The following EHHADH variants were observed in gnomAD, a reference collection of about 807,000 sequenced individuals.
EHHADH encodes the protein peroxisomal bifunctional enzyme.
In EHHADH, 48 loss-of-function variants were observed where a neutral mutation model predicts 64.4. The ratio of observed to expected loss-of-function variants is 0.75; its 90% CI spans 0.59 to 0.95. EHHADH has a LOEUF of 0.95. Ranked by LOEUF, EHHADH falls within the 40% of genes least tolerant of loss-of-function variation. The pLI is 0.00. For missense variants in EHHADH, 854 were observed against 876.6 expected (o/e 0.97, Z 0.33); for synonymous variants, 308 against 326.7 (o/e 0.94, Z 0.62).
At chr3:185,217,272 C>A (rs1718705458) in intron 5 of EHHADH, among the ~76,000 whole-genome samples, 2 of 151,924 alleles carry the variant, frequency 1.3e-5, no homozygotes, top group Admixed American at 6.6e-5. Context: ...TGGGGCCAGG[C>A]GCGGTGGCTC....
intron 2 of EHHADH, among the ~76,000 whole-genome samples, chr3:185,235,687 T>G (rs531340875): frequency 6.6e-6 from 1 of 152,228 alleles, no homozygotes; most frequent in South Asian, 2.1e-4. Context: ...TGAGAGAAAA[T>G]CCTTGAATCT....
Position 185,235,372 on chromosome 3 carries a change from A to G in EHHADH, c.269T>C (p.Val90Ala), listed in dbSNP as rs750992394. Reference sequence around the variant, plus strand: ...AGCCATGCCTTGGATTGCTGCCACCACGGGCTTCTCATTTCTCTGTATTTC... The same window carrying G: ...AGCCATGCCTTGGATTGCTGCCACCGCGGGCTTCTCATTTCTCTGTATTTC... Reference protein sequence around the residue: ...VDEIQRNEKPVVAAIQGMAFG... With the variant: ...VDEIQRNEKPAVAAIQGMAFG... Residue 90 changes from valine (V) to alanine (A), a missense_variant, in exon 3 of 7, where the codon GTG becomes GCG. Val to Ala is a moderately conservative substitution (Grantham distance 64, BLOSUM62 0). Coordinates refer to ENST00000231887, the MANE Select transcript of EHHADH (RefSeq NM_001966.4). The G allele has an allele frequency of 6.2e-7, 1 of 1,613,938 alleles. No individual in the cohort carries two copies. The highest frequency in any genetic ancestry group is 8.5e-7 in the Non-Finnish European group (1 of 1,179,924).
In EHHADH at chr3:185,191,962, C is replaced by A; in HGVS notation, c.*264G>T. 2.3e-6 allele frequency: 1 copy of A among 438,038 alleles called. No individual in the cohort carries two copies. Among genetic ancestry groups the A allele is most frequent in the Non-Finnish European group, 4.0e-6 (1 of 248,596 alleles). 27.1% of individuals were successfully genotyped at this position (438,038 alleles called of 1,614,324 possible). Reference sequence around the variant, plus strand: ...AAGCATTTGAGAATCTCAACTTATGCCTGAGCCTCTTTCATTAGCTATTAT... The same window carrying A: ...AAGCATTTGAGAATCTCAACTTATGACTGAGCCTCTTTCATTAGCTATTAT... On this transcript the variant is annotated 3_prime_UTR_variant, in exon 7 of 7. Transcript: ENST00000231887.
In EHHADH at chr3:185,207,147, G is replaced by A. The variant is rs571867028; in HGVS notation, c.569-2390C>T. ...CTACCAAAAATACAAAAAATTAGCCGGGCATGGTGGCGCACCCCTGTGGTC... is the reference window on the plus strand; with the variant it reads ...CTACCAAAAATACAAAAAATTAGCCAGGCATGGTGGCGCACCCCTGTGGTC... On this transcript the variant is annotated intron_variant, in intron 5 of 6. Transcript: ENST00000231887. 1.6e-4 allele frequency among the ~76,000 whole-genome samples: 25 copies of A among 152,108 alleles called. No individual in the cohort carries two copies. In the South Asian group the frequency reaches 3.7e-3, roughly 23 times the overall value.
chr3:185,250,217 T>A (rs1719708966), intron 1 of EHHADH, among the ~76,000 whole-genome samples: 1 of 152,132 alleles, frequency 6.6e-6, no homozygotes, highest in Non-Finnish European at 1.5e-5. Context: ...AGTGGAAAGA[T>A]AGGGCATGTA....
At chr3:185,242,193 C>G (rs568990469) in intron 2 of EHHADH, among the ~76,000 whole-genome samples, 1 of 152,266 alleles carries the variant, frequency 6.6e-6, no homozygotes, top group South Asian at 2.1e-4. Flanking sequence ...GAAACACATC[C>G]CATGCTCATG....
rs763360960 is a variant in EHHADH, at chr3:185,204,403, C to T, written c.910+13G>A. The T allele has an allele frequency of 4.4e-6, 7 of 1,585,918 alleles. No individual in the cohort carries two copies. In the African/African-American group the frequency reaches 9.4e-5, roughly 21 times the overall value. On this transcript the variant is annotated intron_variant, in intron 6 of 6. Transcript: ENST00000231887. The stretch of plus-strand genomic sequence containing the variant: ...AGATTTGGAGGATTCCATTCATTAC[C>T]CCATGGTCTTACCAACAACACCAAC...
At chr3:185,218,849 C>G (rs1176105805) in intron 4 of EHHADH, among the ~76,000 whole-genome samples, 2 of 152,050 alleles carry the variant, frequency 1.3e-5, no homozygotes, top group African/African-American at 4.8e-5. Context: ...ATGGTGAAAC[C>G]CTGTCTCTAC....
Position 185,192,106 on chromosome 3 carries a change from G to T in EHHADH, c.*120C>A, listed in dbSNP as rs576834037. The T allele has an allele frequency of 8.5e-6, 10 of 1,176,930 alleles. No homozygotes were observed. The South Asian group carries it at 1.1e-4, about 13-fold the overall frequency. The allele number at this position is 1,176,930 out of a possible 1,614,324, so 72.9% of individuals were successfully genotyped here. The stretch of plus-strand genomic sequence containing the variant: ...GAGTCGTTACACAGAAGATTCTAAT[G>T]ATTATTTATTTTGCTTTGTATTTCA... On this transcript the variant is annotated 3_prime_UTR_variant, in exon 7 of 7. Transcript: ENST00000231887.
intron 1 of EHHADH, among the ~76,000 whole-genome samples, chr3:185,251,298 A>T (rs1719739587): frequency 6.6e-6 from 1 of 152,176 alleles, no homozygotes; most frequent in South Asian, 2.1e-4. Flanking sequence ...AAAGAAAAAG[A>T]AGAGATGAGA....
At chr3:185,246,349 G>A in intron 2 of EHHADH, 1 of 706,634 alleles carries the variant, frequency 1.4e-6, no homozygotes, top group Non-Finnish European at 2.3e-6. Context: ...TTTCCTGTTT[G>A]AGTATCCCCT....
At chr3:185,227,586 G>C (rs1719014271) in intron 4 of EHHADH, among the ~76,000 whole-genome samples, 1 of 152,090 alleles carries the variant, frequency 6.6e-6, no homozygotes, top group African/African-American at 2.4e-5. Flanking sequence ...AGCACTTTGG[G>C]AGGCCGAGGC....
intron 3 of EHHADH, among the ~76,000 whole-genome samples, chr3:185,234,847 G>T: frequency 6.6e-6 from 1 of 152,312 alleles, no homozygotes; most frequent in East Asian, 1.9e-4. Context: ...GTACTGGCAC[G>T]TAACAGCTGA....
intron 2 of EHHADH, among the ~76,000 whole-genome samples, chr3:185,246,864 A>G (rs1719610646): frequency 6.6e-6 from 1 of 151,998 alleles, no homozygotes; most frequent in African/African-American, 2.4e-5. Flanking sequence ...CTTTTCTAAT[A>G]TATATTTTTA....
intron 5 of EHHADH, among the ~76,000 whole-genome samples, chr3:185,211,020 G>A (rs1215504952): frequency 6.6e-6 from 1 of 152,146 alleles, no homozygotes; most frequent in Non-Finnish European, 1.5e-5. Flanking sequence ...CATACCCACT[G>A]GAAAATTTTG....
At position 185,191,071 on chromosome 3, in the gene EHHADH, C is replaced by T. The variant is rs779662761; in HGVS notation, c.*1155G>A. 9 of 152,160 alleles carry T rather than the reference C, an allele frequency of 5.9e-5. No homozygotes were observed. Among genetic ancestry groups the T allele is most frequent in the Admixed American group, 4.6e-4 (7 of 15,284 alleles). 9.4% of individuals were successfully genotyped at this position (152,160 alleles called of 1,614,324 possible). On this transcript the variant is annotated 3_prime_UTR_variant, in exon 7 of 7. Transcript: ENST00000231887. Reference sequence around the variant, plus strand: ...AAATCCTGTACCCATTAGATGAATCCTGTACTCCCCATTCATCACCCCCAA... The same window carrying T: ...AAATCCTGTACCCATTAGATGAATCTTGTACTCCCCATTCATCACCCCCAA...
chr3:185,217,042 C>T (rs1718698732), intron 5 of EHHADH, among the ~76,000 whole-genome samples: 1 of 151,978 alleles, frequency 6.6e-6, no homozygotes, highest in Admixed American at 6.6e-5. Flanking sequence ...TCAAGGCCCA[C>T]AGTTTTACTG....
chr3:185,253,353 A>C (rs1291516105), intron 1 of EHHADH: 3 of 144,478 alleles, frequency 2.1e-5, no homozygotes, highest in African/African-American at 5.2e-5. Context: ...GCTGGATCAA[A>C]GTCCAACATC....
chr3:185,197,560 G>A (rs1296427916), intron 6 of EHHADH, among the ~76,000 whole-genome samples: 2 of 152,162 alleles, frequency 1.3e-5, no homozygotes, highest in Non-Finnish European at 2.9e-5. Flanking sequence ...GATCTTTTAT[G>A]ATTGGCTTAT....
Sources: allele counts gnomAD v4.1 joint callset (sites outside exome capture counted in the v4.1 genomes callset), GRCh38; gene constraint gnomAD v4.1.1; transcripts MANE v1.5; gene names NCBI Gene and HGNC (gene_info 2026-07-23, HGNC 2026-07-21).